Variants in MYO10 observed in about 807,000 individuals in gnomAD.
MYO10 encodes myosin X.
Under a neutral mutation model 257.3 loss-of-function variants are expected in MYO10, and 133 were observed. The ratio of observed to expected loss-of-function variants is 0.52; its 90% CI spans 0.45 to 0.60. The LOEUF is 0.60. Ranked by LOEUF, MYO10 falls within the 20% of genes least tolerant of loss-of-function variation. The pLI is 0.00. For missense variants in MYO10, 2,399 were observed against 2,635.7 expected (o/e 0.91, Z 1.97); for synonymous variants, 1,104 against 1,028.6 (o/e 1.07, Z -1.40).
intron 2 of MYO10, among the ~76,000 whole-genome samples, chr5:16,865,077 GC>G (rs1744207032): frequency 1.3e-5 from 2 of 152,138 alleles, no homozygotes; most frequent in African/African-American, 4.8e-5. Flanking sequence ...CCAGCTCAAT[GC>G]TGTCTTTTTC....
At chr5:16,816,358 A>C (rs1742608602) in intron 3 of MYO10, among the ~76,000 whole-genome samples, 1 of 147,896 alleles carries the variant, frequency 6.8e-6, no homozygotes, top group Non-Finnish European at 1.5e-5. Flanking sequence ...AAAAAAGGCA[A>C]ATACACTCTT....
chr5:16,741,250 A>G (rs936438080), intron 19 of MYO10, among the ~76,000 whole-genome samples: 10 of 152,298 alleles, frequency 6.6e-5, no homozygotes, highest in Admixed American at 2.0e-4. Context: ...AAATTCCAAC[A>G]TGTGTATGCT....
At chr5:16,906,726 C>A (rs1350718007) in intron 1 of MYO10, among the ~76,000 whole-genome samples, 1 of 150,752 alleles carries the variant, frequency 6.6e-6, no homozygotes, top group Non-Finnish European at 1.5e-5. Flanking sequence ...TCATCCCCCA[C>A]ATCCAAGAAG....
intron 2 of MYO10, among the ~76,000 whole-genome samples, chr5:16,818,414 A>ATATG (rs1742703121): frequency 5.1e-5 from 7 of 138,258 alleles, no homozygotes; most frequent in African/African-American, 2.0e-4. Flanking sequence ...GTGTGTGTAT[A>ATATG]TATATATATA....
At chr5:16,703,550 G>A (rs186315538) in intron 22 of MYO10, among the ~76,000 whole-genome samples, 10 of 152,176 alleles carry the variant, frequency 6.6e-5, no homozygotes, top group East Asian at 1.9e-4. Flanking sequence ...AGTGTTTCAC[G>A]GGCATAGTGG....
chr5:16,682,566 T>C (rs762660267), intron 30 of MYO10, among the ~76,000 whole-genome samples: 2 of 152,228 alleles, frequency 1.3e-5, no homozygotes, highest in Non-Finnish European at 2.9e-5. Context: ...ACTTTCTCCC[T>C]CACCTCTTTT....
At chr5:16,846,261 C>T (rs1348116594) in intron 2 of MYO10, among the ~76,000 whole-genome samples, 1 of 152,206 alleles carries the variant, frequency 6.6e-6, no homozygotes, top group Non-Finnish European at 1.5e-5. Context: ...TACCATGAGA[C>T]TAAACAGGAT....
At chr5:16,777,553 T>C (rs1579979487) in intron 9 of MYO10, among the ~76,000 whole-genome samples, 1 of 152,160 alleles carries the variant, frequency 6.6e-6, no homozygotes, top group Non-Finnish European at 1.5e-5. Flanking sequence ...GAATCTGAGG[T>C]GCACTGAAAC....
intron 1 of MYO10, among the ~76,000 whole-genome samples, chr5:16,926,530 C>T (rs183704281): frequency 1.4e-4 from 21 of 152,102 alleles, no homozygotes; most frequent in East Asian, 3.9e-4. Flanking sequence ...GATGAAACCC[C>T]GTCTCTACTG....
chr5:16,679,797 T>A, intron 33 of MYO10, 150 bp downstream of exon 33: 1 of 1,069,240 alleles, frequency 9.4e-7, no homozygotes, highest in South Asian at 1.7e-5. Flanking sequence ...AGTGCTGGAA[T>A]TACAGGCGTG....
intron 2 of MYO10, among the ~76,000 whole-genome samples, chr5:16,866,145 C>G (rs988752810): frequency 6.6e-6 from 1 of 151,338 alleles, no homozygotes; most frequent in African/African-American, 2.4e-5. Context: ...GGGTATTTGC[C>G]GAAGAAACTA....
intron 19 of MYO10, among the ~76,000 whole-genome samples, chr5:16,727,079 T>G (rs897964679): frequency 3.3e-5 from 5 of 152,204 alleles, no homozygotes; most frequent in African/African-American, 1.2e-4. Flanking sequence ...AAAAACTTAG[T>G]ATGAAAAAAT....
At chr5:16,859,412 G>T (rs1193921929) in intron 2 of MYO10, among the ~76,000 whole-genome samples, 1 of 151,970 alleles carries the variant, frequency 6.6e-6, no homozygotes, top group East Asian at 1.9e-4. Flanking sequence ...CCTCCTAAAG[G>T]TCTTACCTCC....
chr5:16,816,337 CAAAA>C (rs369557076), intron 3 of MYO10, among the ~76,000 whole-genome samples: 1 of 106,332 alleles, frequency 9.4e-6, no homozygotes, highest in Non-Finnish European at 1.9e-5. Flanking sequence ...GACTCTGTCT[CAAAA>C]AAAAAAAAAA....
intron 2 of MYO10, among the ~76,000 whole-genome samples, chr5:16,823,090 T>C (rs965216683): frequency 1.2e-4 from 18 of 151,952 alleles, no homozygotes; most frequent in Non-Finnish European, 2.6e-4. Flanking sequence ...TGTGCAACAA[T>C]TAGCAGGGTA....
At chr5:16,711,641 G>A (rs1168520738) in intron 19 of MYO10, among the ~76,000 whole-genome samples, 2 of 152,144 alleles carry the variant, frequency 1.3e-5, no homozygotes, top group African/African-American at 4.8e-5. Context: ...AATTAGCCAG[G>A]CGTGGTGGCA....
intron 3 of MYO10, among the ~76,000 whole-genome samples, chr5:16,801,010 A>G (rs930707783): frequency 2.4e-4 from 37 of 152,184 alleles, no homozygotes; most frequent in African/African-American, 8.7e-4. Flanking sequence ...TAAGTAATAA[A>G]TAAAAGTTAC....
At chr5:16,782,344 G>A (rs143420852) in intron 5 of MYO10, among the ~76,000 whole-genome samples, 29 of 152,240 alleles carry the variant, frequency 1.9e-4, no homozygotes, top group African/African-American at 6.7e-4. Flanking sequence ...ACGGGATCTC[G>A]GTTGCAACTA....
chr5:16,781,774 G>A lies in MYO10; in HGVS notation c.658C>T (p.Arg220Cys). Reference sequence around the variant, plus strand: ...TTCAGCTGAACAAACTTCCCAAAGCGACTAGAGTTGTTGTTGTACACGGTC... The same window carrying A: ...TTCAGCTGAACAAACTTCCCAAAGCAACTAGAGTTGTTGTTGTACACGGTC... ...AKTVYNNNSS[R>C]FGKFVQLNIC... The change falls in exon 6 of 41, where the codon CGC (arginine) becomes TGC (cysteine). Residue 220 changes from arginine (R) to cysteine (C), a missense_variant. Coordinates refer to ENST00000513610, the MANE Select transcript of MYO10 (RefSeq NM_012334.3). The A allele has an allele frequency of 6.2e-7, 1 of 1,613,910 alleles. No individual in the cohort carries two copies. Among genetic ancestry groups the A allele is most frequent in the Non-Finnish European group, 8.5e-7 (1 of 1,179,854 alleles).
Sources: allele counts gnomAD v4.1 joint callset (sites outside exome capture counted in the v4.1 genomes callset), GRCh38; gene constraint gnomAD v4.1.1; transcripts MANE v1.5; gene names NCBI Gene and HGNC (gene_info 2026-07-23, HGNC 2026-07-21).